The following MCM8 variants were observed in gnomAD, a reference collection of about 807,000 sequenced individuals.
MCM8 encodes DNA helicase MCM8.
MCM8 carries 85 observed loss-of-function variants against 98.9 expected under a neutral mutation model. The ratio of observed to expected loss-of-function variants is 0.86; its 90% CI spans 0.72 to 1.03. The LOEUF is 1.03. Among genes scored for constraint, MCM8 ranks in the 50% least tolerant of loss-of-function variants. The pLI, the probability that MCM8 is intolerant of heterozygous loss-of-function variation, is 0.00. For synonymous variants in MCM8, 352 were observed against 338.6 expected (o/e 1.04, Z -0.44); for missense variants, 951 against 997.8 (o/e 0.95, Z 0.63).
chr20:5,985,901 G>A (rs200447566), intron 15 of MCM8, 21 bp from the exon 16 acceptor site: 6 of 1,609,798 alleles, frequency 3.7e-6, no homozygotes, highest in South Asian at 1.1e-5. Flanking sequence ...TGTTATCTTG[G>A]GCCTTTTAAT....
intron 14 of MCM8, 73 bp downstream of exon 14, chr20:5,983,238 A>AC (rs2089665761): frequency 8.0e-7 from 1 of 1,243,800 alleles, no homozygotes; most frequent in Non-Finnish European, 1.1e-6. Flanking sequence ...GAAATAGTTC[A>AC]CAGAACTACA....
intron 18 of MCM8, 198 bp downstream of exon 18, chr20:5,993,893 AT>A: frequency 2.2e-6 from 1 of 463,550 alleles, no homozygotes. Flanking sequence ...TGGATATGTC[AT>A]TTTAACATCT....
chr20:5,956,652 C>G (rs149343672), intron 5 of MCM8, among the ~76,000 whole-genome samples: 5,328 of 152,062 alleles, frequency 0.035, 128 homozygotes, highest in Middle Eastern at 0.1. Context: ...CTTTGGCCTC[C>G]CAAAGTGCTG....
chr20:5,971,282 A>G (rs1337970029), intron 10 of MCM8, among the ~76,000 whole-genome samples: 2 of 152,242 alleles, frequency 1.3e-5, no homozygotes, highest in African/African-American at 4.8e-5. Context: ...AAGTCTAATA[A>G]GAAACATTTT....
chr20:5,963,090 C>T (rs2089188877), intron 7 of MCM8, among the ~76,000 whole-genome samples, 184 bp from the exon 8 acceptor site: 1 of 152,150 alleles, frequency 6.6e-6, no homozygotes, highest in South Asian at 2.1e-4. Flanking sequence ...GCCTCAAAAG[C>T]TGTCGATATT....
intron 7 of MCM8, 59 bp from the exon 8 acceptor site, chr20:5,963,215 C>T: frequency 7.8e-7 from 1 of 1,277,580 alleles, no homozygotes; most frequent in Non-Finnish European, 1.1e-6. Context: ...ACTGAATTTT[C>T]CTGAGGTGTG....
In MCM8 at chr20:5,996,818, C is replaced by G. The variant is rs1042666206; in HGVS notation, c.*2427C>G. 8.5e-5 allele frequency: 13 copies of G among 152,196 alleles called. No homozygotes were observed. The highest frequency in any genetic ancestry group is 3.1e-4 in the African/African-American group (13 of 41,452). 9.4% of individuals were successfully genotyped at this position (152,196 alleles called of 1,614,324 possible). A position where few individuals can be genotyped will look rare whatever the true frequency, so the allele number is the denominator to read the frequency against. ...TAACAACAAAAGTTGTTTAGCTTTC[C>G]CTTACAATCCAGCTTTTATGGGTGT... On this transcript the variant is annotated 3_prime_UTR_variant, in exon 19 of 19. Coordinates refer to ENST00000610722, the MANE Select transcript of MCM8 (RefSeq NM_032485.6).
intron 14 of MCM8, 141 bp from the exon 15 acceptor site, chr20:5,984,640 G>A: frequency 1.6e-6 from 1 of 634,130 alleles, no homozygotes; most frequent in Non-Finnish European, 2.7e-6. Flanking sequence ...AATCCAAGAA[G>A]CTATTTGCTT....
chr20:5,996,659 G>A lies in MCM8; in HGVS notation c.*2268G>A, dbSNP rs1600327771. On this transcript the variant is annotated 3_prime_UTR_variant, in exon 19 of 19. Transcript: ENST00000610722. Reference sequence around the variant, plus strand: ...AATATACTAATTTATTGTTCAAAGAGGAAAATAAGTCTCAAAGGTTAAGGC... The same window carrying A: ...AATATACTAATTTATTGTTCAAAGAAGAAAATAAGTCTCAAAGGTTAAGGC... The A allele has an allele frequency of 6.6e-6, 1 of 152,226 alleles. No individual in the cohort carries two copies. The allele number at this position is 152,226 out of a possible 1,614,324, so 9.4% of individuals were successfully genotyped here. A position where few individuals can be genotyped will look rare whatever the true frequency, so the allele number is the denominator to read the frequency against.
chr20:5,958,354 CG>C (rs2089042834), intron 6 of MCM8, among the ~76,000 whole-genome samples, 173 bp from the exon 7 acceptor site: 1 of 152,118 alleles, frequency 6.6e-6, no homozygotes, highest in Non-Finnish European at 1.5e-5. Context: ...GGCAACAGAG[CG>C]AGACTCCATC....
chr20:5,961,663 G>A (rs555781895), intron 7 of MCM8, among the ~76,000 whole-genome samples: 38 of 152,216 alleles, frequency 2.5e-4, no homozygotes, highest in Admixed American at 1.2e-3. Context: ...TTTTGAAGAC[G>A]GGGTCTCACT....
chr20:5,986,088 C>T lies in MCM8; in HGVS notation c.2120C>T (p.Pro707Leu), dbSNP rs958067616. Reference protein sequence around the residue: ...RKQSQRLNSSPITTRQLESLI... With the variant: ...RKQSQRLNSSLITTRQLESLI... ...CAGAGCCAGAGGTTAAATAGCTCACCAATCACTACCAGGCAGCTGGAATCT... is the reference window on the plus strand; with the variant it reads ...CAGAGCCAGAGGTTAAATAGCTCACTAATCACTACCAGGCAGCTGGAATCT... The change falls in exon 16 of 19, where the codon CCA (proline) becomes CTA (leucine). Residue 707 changes from proline to leucine, a missense_variant. By Grantham distance (98) the Pro-to-Leu change is moderately conservative. Transcript: ENST00000610722. The T allele has an allele frequency of 4.3e-6, 7 of 1,614,178 alleles. No homozygotes were observed. In the East Asian group the frequency reaches 1.6e-4, roughly 36 times the overall value.
At chr20:5,957,265 T>C in intron 6 of MCM8, 36 bp downstream of exon 6, 1 of 1,519,164 alleles carries the variant, frequency 6.6e-7, no homozygotes, top group African/African-American at 1.4e-5. Context: ...TTACTTAGAA[T>C]GGGACATTGA....
At chr20:5,973,024 C>T (rs1302389526) in intron 11 of MCM8, 32 bp from the exon 12 acceptor site, 9 of 1,610,512 alleles carry the variant, frequency 5.6e-6, no homozygotes, top group Admixed American at 5.0e-5. Context: ...GTTTTCCTTA[C>T]TTCTGTTTTT....
chr20:5,991,633 C>T (rs1425466062), intron 17 of MCM8, among the ~76,000 whole-genome samples: 1 of 152,184 alleles, frequency 6.6e-6, no homozygotes, highest in Non-Finnish European at 1.5e-5. Flanking sequence ...TGGTAGAGAT[C>T]AAGATCCAGT....
intron 12 of MCM8, among the ~76,000 whole-genome samples, chr20:5,974,193 C>A (rs915807602): frequency 6.6e-6 from 1 of 152,146 alleles, no homozygotes; most frequent in Middle Eastern, 3.2e-3. Context: ...AGTACAGTGG[C>A]GCAACTTTGG....
chr20:5,986,888 A>T (rs560217582), intron 16 of MCM8, among the ~76,000 whole-genome samples: 1 of 152,294 alleles, frequency 6.6e-6, no homozygotes, highest in East Asian at 1.9e-4. Context: ...GTTCAGTGGC[A>T]TGATCAAGCC....
chr20:5,990,552 C>G (rs1402538187), intron 17 of MCM8, among the ~76,000 whole-genome samples: 1 of 152,102 alleles, frequency 6.6e-6, no homozygotes, highest in East Asian at 1.9e-4. Context: ...TAGGAATTTA[C>G]TAGACTTTCT....
intron 15 of MCM8, among the ~76,000 whole-genome samples, chr20:5,985,237 A>C (rs1285975477): frequency 6.6e-6 from 1 of 152,104 alleles, no homozygotes; most frequent in Non-Finnish European, 1.5e-5. Context: ...TGAGGTCAAG[A>C]GATCGAGACC....
Sources: gnomAD v4.1 joint callset for allele counts (sites outside exome capture counted in the v4.1 genomes callset) on GRCh38, gnomAD v4.1.1 for gene constraint, MANE v1.5 for transcripts, NCBI Gene and HGNC (gene_info 2026-07-23, HGNC 2026-07-21) for gene names.